ST6GALNAC3: variants seen among roughly 807,000 people sequenced by gnomAD.
The protein encoded by ST6GALNAC3 is alpha-N-acetylgalactosaminide alpha-2,6-sialyltransferase 3.
Under a neutral mutation model 32.7 loss-of-function variants are expected in ST6GALNAC3, and 25 were observed. The observed-to-expected ratio is 0.76, with a 90% confidence interval of 0.56 to 1.07. The LOEUF (loss-of-function observed/expected upper bound fraction) is 1.07, where lower values mean the gene tolerates loss of function less well. ST6GALNAC3 is among the 50% of genes least tolerant of loss of function. ST6GALNAC3 has a pLI of 0.00. For synonymous variants in ST6GALNAC3, 129 were observed against 133.1 expected (o/e 0.97, Z 0.21); for missense variants, 355 against 382.4 (o/e 0.93, Z 0.60).
chr1:76,254,712 G>GT (rs568045942), intron 1 of ST6GALNAC3, among the ~76,000 whole-genome samples: 24 of 151,864 alleles, frequency 1.6e-4, no homozygotes, highest in East Asian at 1.2e-3. Context: ...CATTAAGCTG[G>GT]TTTTTTTTCC....
chr1:76,451,217 A>G (rs1657377617), intron 3 of ST6GALNAC3, among the ~76,000 whole-genome samples: 1 of 152,194 alleles, frequency 6.6e-6, no homozygotes, highest in African/African-American at 2.4e-5. Flanking sequence ...GACATACCTG[A>G]GACTGGGTAA....
At chr1:76,075,954 G>A (rs1646810437) in intron 1 of ST6GALNAC3, among the ~76,000 whole-genome samples, 1 of 152,184 alleles carries the variant, frequency 6.6e-6, no homozygotes, top group Admixed American at 6.5e-5. Context: ...CTGGTTACCT[G>A]AATCGTCTTC....
At chr1:76,389,012 C>CCTT (rs1553189270) in intron 2 of ST6GALNAC3, among the ~76,000 whole-genome samples, 14 of 127,366 alleles carry the variant, frequency 1.1e-4, no homozygotes, top group Admixed American at 3.4e-4. Context: ...GGTATATTTC[C>CCTT]TTTTTTTTTT....
At chr1:76,078,388 T>C (rs1242706144) in intron 1 of ST6GALNAC3, among the ~76,000 whole-genome samples, 1 of 152,182 alleles carries the variant, frequency 6.6e-6, no homozygotes, top group African/African-American at 2.4e-5. Context: ...CTGTGCATGC[T>C]GAGGGCCCAT....
chr1:76,458,525 C>T (rs1232249468), intron 3 of ST6GALNAC3, among the ~76,000 whole-genome samples: 1 of 140,430 alleles, frequency 7.1e-6, no homozygotes, highest in Non-Finnish European at 1.5e-5. Context: ...GAAAATGTGG[C>T]ACATATACAC....
intron 1 of ST6GALNAC3, among the ~76,000 whole-genome samples, chr1:76,202,228 A>T (rs1284731987): frequency 6.6e-6 from 1 of 151,132 alleles, no homozygotes; most frequent in Non-Finnish European, 1.5e-5. Flanking sequence ...TTCCAAGCCA[A>T]TTCTTTAAAG....
At chr1:76,373,053 T>C (rs1359469) in intron 2 of ST6GALNAC3, among the ~76,000 whole-genome samples, 48,850 of 152,104 alleles carry the variant, frequency 0.32, 8,840 homozygotes, top group Middle Eastern at 0.43. Context: ...TGCTTCAACC[T>C]CCCAAAGTGC....
intron 2 of ST6GALNAC3, among the ~76,000 whole-genome samples, chr1:76,405,280 G>A (rs1653741975): frequency 6.6e-6 from 1 of 151,974 alleles, no homozygotes; most frequent in Non-Finnish European, 1.5e-5. Context: ...TTTCGTACAT[G>A]GCTGTTCCTT....
intron 3 of ST6GALNAC3, among the ~76,000 whole-genome samples, chr1:76,584,433 A>G (rs916364262): frequency 1.3e-5 from 2 of 152,202 alleles, no homozygotes; most frequent in Non-Finnish European, 2.9e-5. Flanking sequence ...GCTGCAAATC[A>G]TGTCTGTCAA....
chr1:76,490,459 T>C (rs184655121), intron 3 of ST6GALNAC3, among the ~76,000 whole-genome samples: 76 of 148,928 alleles, frequency 5.1e-4, no homozygotes, highest in African/African-American at 1.8e-3. Context: ...TGTTATATAT[T>C]ATATATAAGT....
intron 1 of ST6GALNAC3, among the ~76,000 whole-genome samples, chr1:76,259,548 G>A (rs1658108577): frequency 6.6e-6 from 1 of 152,106 alleles, no homozygotes; most frequent in Non-Finnish European, 1.5e-5. Context: ...TCTAATAAAA[G>A]TTAAGCCCTT....
At chr1:76,295,880 A>G (rs1214946540) in intron 1 of ST6GALNAC3, among the ~76,000 whole-genome samples, 2 of 152,064 alleles carry the variant, frequency 1.3e-5, no homozygotes, top group South Asian at 2.1e-4. Context: ...CTTTCTTTCT[A>G]CTATAGGGAG....
At chr1:76,558,636 C>T (rs1665066450) in intron 3 of ST6GALNAC3, among the ~76,000 whole-genome samples, 2 of 152,146 alleles carry the variant, frequency 1.3e-5, no homozygotes, top group African/African-American at 2.4e-5. Flanking sequence ...TGAAAAACTA[C>T]CTACTGGGTA....
At chr1:76,526,473 GC>G (rs1208099789) in intron 3 of ST6GALNAC3, among the ~76,000 whole-genome samples, 1 of 151,826 alleles carries the variant, frequency 6.6e-6, no homozygotes, top group Non-Finnish European at 1.5e-5. Context: ...ATTTGAAGTG[GC>G]CTTCACACTA....
At chr1:76,084,362 C>T (rs1323580743) in intron 1 of ST6GALNAC3, among the ~76,000 whole-genome samples, 1 of 152,088 alleles carries the variant, frequency 6.6e-6, no homozygotes, top group Non-Finnish European at 1.5e-5. Context: ...CTAATTTTAC[C>T]CCAGATGTTG....
intron 1 of ST6GALNAC3, among the ~76,000 whole-genome samples, chr1:76,146,899 A>C (rs1181006594): frequency 1.3e-5 from 2 of 152,008 alleles, no homozygotes; most frequent in African/African-American, 4.8e-5. Flanking sequence ...TGTTTGATGA[A>C]ATGTACTTTC....
intron 2 of ST6GALNAC3, among the ~76,000 whole-genome samples, chr1:76,356,024 G>T (rs1275946786): frequency 3.3e-5 from 5 of 151,954 alleles, no homozygotes; most frequent in Non-Finnish European, 7.4e-5. Context: ...TTATAGTGTT[G>T]ATCAGGTTCT....
intron 2 of ST6GALNAC3, among the ~76,000 whole-genome samples, chr1:76,367,138 A>G (rs1420551617): frequency 6.6e-6 from 1 of 152,204 alleles, no homozygotes; most frequent in East Asian, 1.9e-4. Flanking sequence ...CCAAAAACAT[A>G]TGGCTCATTA....
At chr1:76,500,708 A>T (rs1661127915) in intron 3 of ST6GALNAC3, among the ~76,000 whole-genome samples, 1 of 152,182 alleles carries the variant, frequency 6.6e-6, no homozygotes, top group South Asian at 2.1e-4. Flanking sequence ...AAAATTAAGT[A>T]ATAAAGAAAG....
Sources: allele counts gnomAD v4.1 joint callset (sites outside exome capture counted in the v4.1 genomes callset), GRCh38; gene constraint gnomAD v4.1.1; transcripts MANE v1.5; gene names NCBI Gene and HGNC (gene_info 2026-07-23, HGNC 2026-07-21).